Variants in GPC6 observed in about 807,000 individuals in gnomAD.
GPC6 encodes the protein glypican 6, also known as glypican-6.
In GPC6, 14 loss-of-function variants were observed where a neutral mutation model predicts 55.2. That is an observed-to-expected ratio of 0.25 (90% CI 0.17 to 0.40). The LOEUF (loss-of-function observed/expected upper bound fraction) is 0.40, where lower values mean the gene tolerates loss of function less well. Ranked by LOEUF, GPC6 falls within the 10% of genes least tolerant of loss-of-function variation. GPC6 has a pLI of 1.00. For synonymous variants in GPC6, 278 were observed against 259.6 expected, an observed-to-expected ratio of 1.07 and a Z score of -0.68; for missense variants, 641 against 708.5, an observed-to-expected ratio of 0.90 and a Z score of 1.08.
chr13:94,360,072 C>T (rs1490400143), intron 6 of GPC6, among the ~76,000 whole-genome samples: 1 of 152,162 alleles, frequency 6.6e-6, no homozygotes, highest in African/African-American at 2.4e-5. Flanking sequence ...ATATGCAGCC[C>T]TATGGGAAAA....
intron 3 of GPC6, among the ~76,000 whole-genome samples, chr13:93,867,667 T>C (rs1373913188): frequency 6.6e-6 from 1 of 151,752 alleles, no homozygotes; most frequent in Non-Finnish European, 1.5e-5. Flanking sequence ...CTGACATCAC[T>C]GGTAACCTAT....
At chr13:93,331,611 C>A (rs949134723) in intron 1 of GPC6, among the ~76,000 whole-genome samples, 1 of 149,088 alleles carries the variant, frequency 6.7e-6, no homozygotes, top group Non-Finnish European at 1.5e-5. Flanking sequence ...CGTATTTTCC[C>A]CTGAAACATT....
At chr13:93,238,228 T>G (rs1446097569) in intron 1 of GPC6, among the ~76,000 whole-genome samples, 1 of 152,198 alleles carries the variant, frequency 6.6e-6, no homozygotes, top group Non-Finnish European at 1.5e-5. Flanking sequence ...GTTTGTGTGA[T>G]CTACAGTTTC....
At chr13:93,361,452 T>A (rs1347765726) in intron 1 of GPC6, among the ~76,000 whole-genome samples, 1 of 152,120 alleles carries the variant, frequency 6.6e-6, no homozygotes, top group East Asian at 1.9e-4. Context: ...AAAACTTTCT[T>A]ATCCAGAGAA....
rs144114740 is a variant in GPC6 at position 94,242,358 on chromosome 13, T to C, written c.878-43991T>C. ...TGGCGATTCCTCAGGGATCTAGAAC[T>C]AGAAATGCCATTTGACCCAGCCATC... On this transcript the variant is annotated intron_variant, in intron 4 of 8. Transcript: ENST00000377047. 6.6e-3 allele frequency among the ~76,000 whole-genome samples: 998 copies of C among 152,120 alleles called. 16 individuals are homozygous for C. The highest frequency in any genetic ancestry group is 0.023 in the African/African-American group (949 of 41,502).
At chr13:93,257,621 A>C (rs1157996859) in intron 1 of GPC6, among the ~76,000 whole-genome samples, 1 of 152,120 alleles carries the variant, frequency 6.6e-6, no homozygotes, top group Non-Finnish European at 1.5e-5. Context: ...TATCTCGCAT[A>C]ATCCTTACAT....
rs561545278 is a variant in GPC6 at position 93,562,922 on chromosome 13, A to T, written c.319+17501A>T. ...CCTGAGGTCACATATTACAGACAGAAGTAGGAATTAATCCAGTCTATACCT... is the reference window on the plus strand; with the variant it reads ...CCTGAGGTCACATATTACAGACAGATGTAGGAATTAATCCAGTCTATACCT... On this transcript the variant is annotated intron_variant, in intron 2 of 8. Coordinates refer to ENST00000377047, the MANE Select transcript of GPC6 (RefSeq NM_005708.5). Among the ~76,000 whole-genome samples the T allele has an allele frequency of 1.9e-3, 283 of 152,328 alleles. 2 individuals are homozygous for T. Among genetic ancestry groups the T allele is most frequent in the African/African-American group, 5.2e-3 (217 of 41,588 alleles).
chr13:94,285,328 T>C (rs1340038118), intron 4 of GPC6, among the ~76,000 whole-genome samples: 1 of 152,152 alleles, frequency 6.6e-6, no homozygotes, highest in Non-Finnish European at 1.5e-5. Context: ...AGCATTTTAT[T>C]GTGGTTGGGG....
At chr13:93,823,420 A>T (rs1438321159) in intron 2 of GPC6, among the ~76,000 whole-genome samples, 1 of 151,952 alleles carries the variant, frequency 6.6e-6, no homozygotes, top group Non-Finnish European at 1.5e-5. Flanking sequence ...AGGGCAACTC[A>T]CTTAACATTT....
intron 1 of GPC6, among the ~76,000 whole-genome samples, chr13:93,242,621 C>T (rs1171787702): frequency 6.6e-6 from 1 of 152,142 alleles, no homozygotes; most frequent in Non-Finnish European, 1.5e-5. Flanking sequence ...GGCTGCTCGA[C>T]CGCTGGGGAA....
intron 1 of GPC6, among the ~76,000 whole-genome samples, chr13:93,309,696 T>C (rs568934118): frequency 4.1e-4 from 62 of 152,324 alleles, no homozygotes; most frequent in African/African-American, 1.3e-3. Flanking sequence ...ATTTTGTTAC[T>C]TTTTATTTTT....
At chr13:93,881,241 A>G (rs1874955428) in intron 3 of GPC6, among the ~76,000 whole-genome samples, 1 of 152,060 alleles carries the variant, frequency 6.6e-6, no homozygotes, top group African/African-American at 2.4e-5. Flanking sequence ...GTTTTATTTA[A>G]GTCATTGCCA....
chr13:94,371,789 A>G (rs769094520), intron 6 of GPC6, among the ~76,000 whole-genome samples: 4 of 152,224 alleles, frequency 2.6e-5, no homozygotes. Flanking sequence ...AGATTCAATA[A>G]TGGTTGACTA....
At chr13:94,105,232 A>G (rs557486448) in intron 4 of GPC6, among the ~76,000 whole-genome samples, 1 of 152,246 alleles carries the variant, frequency 6.6e-6, no homozygotes, top group East Asian at 1.9e-4. Flanking sequence ...AGTTTGTTGC[A>G]CCTGCAGTCC....
chr13:94,251,463 G>A (rs1171171743), intron 4 of GPC6, among the ~76,000 whole-genome samples: 20 of 145,716 alleles, frequency 1.4e-4, no homozygotes, highest in African/African-American at 1.5e-4. Flanking sequence ...GAACTTAAAG[G>A]AAAAAAAAAA....
At chr13:93,327,072 A>G (rs573758242) in intron 1 of GPC6, among the ~76,000 whole-genome samples, 1 of 152,360 alleles carries the variant, frequency 6.6e-6, no homozygotes, top group East Asian at 1.9e-4. Context: ...GAATACAGAA[A>G]GTGGCTTTGC....
intron 1 of GPC6, among the ~76,000 whole-genome samples, chr13:93,319,827 A>G (rs1035709709): frequency 6.6e-6 from 1 of 152,132 alleles, no homozygotes; most frequent in East Asian, 1.9e-4. Flanking sequence ...TGAGAAAAAT[A>G]CATATGTATT....
At chr13:94,388,576 T>G (rs1880511951) in intron 7 of GPC6, among the ~76,000 whole-genome samples, 1 of 152,224 alleles carries the variant, frequency 6.6e-6, no homozygotes, top group Non-Finnish European at 1.5e-5. Flanking sequence ...TGGTCAGCAT[T>G]TTATTCAATT....
intron 1 of GPC6, among the ~76,000 whole-genome samples, chr13:93,284,986 G>A (rs1878063488): frequency 6.6e-6 from 1 of 152,148 alleles, no homozygotes; most frequent in African/African-American, 2.4e-5. Context: ...TAAAGAGGGA[G>A]TAGAAGGAGA....
Sources: allele counts gnomAD v4.1 joint callset (sites outside exome capture counted in the v4.1 genomes callset), GRCh38; gene constraint gnomAD v4.1.1; transcripts MANE v1.5; gene names NCBI Gene and HGNC (gene_info 2026-07-23, HGNC 2026-07-21).